The following SLC25A21 variants were observed in gnomAD, a reference collection of about 807,000 sequenced individuals.
SLC25A21 encodes the protein solute carrier family 25 member 21.
Under a neutral mutation model 43.8 loss-of-function variants are expected in SLC25A21, and 47 were observed. The observed-to-expected ratio is 1.07, with a 90% CI of 0.85 to 1.37. The LOEUF is 1.37. SLC25A21 is among the 40% of genes most tolerant of loss of function. The probability of loss-of-function intolerance (pLI) is 0.00; values close to 1 mark genes in which losing one functional copy is unlikely to be tolerated. For missense variants in SLC25A21, 352 were observed against 350.2 expected (o/e 1.00, Z -0.04); for synonymous variants, 131 against 121.3 (o/e 1.08, Z -0.52).
chr14:37,088,456 A>G (rs1360225518), intron 1 of SLC25A21, among the ~76,000 whole-genome samples: 2 of 152,238 alleles, frequency 1.3e-5, no homozygotes, highest in African/African-American at 4.8e-5. Context: ...TTTATTATGA[A>G]TATTTGTTCT....
intron 3 of SLC25A21, among the ~76,000 whole-genome samples, chr14:36,779,123 C>T (rs1886939670): frequency 6.7e-6 from 1 of 150,148 alleles, no homozygotes; most frequent in Non-Finnish European, 1.5e-5. Flanking sequence ...CTAGGTTCAT[C>T]TATGTTGTTG....
At chr14:36,832,681 CAAAA>C (rs1395334462) in intron 2 of SLC25A21, among the ~76,000 whole-genome samples, 2 of 152,166 alleles carry the variant, frequency 1.3e-5, no homozygotes, top group African/African-American at 4.8e-5. Context: ...CTTGGGTACT[CAAAA>C]GAATCTACTT....
intron 1 of SLC25A21, among the ~76,000 whole-genome samples, chr14:36,891,895 T>C (rs1476480368): frequency 1.3e-5 from 2 of 152,180 alleles, no homozygotes; most frequent in Non-Finnish European, 2.9e-5. Context: ...CTGTGTCACA[T>C]AGCGACCATG....
At chr14:36,897,359 G>A (rs1346617439) in intron 1 of SLC25A21, among the ~76,000 whole-genome samples, 10 of 152,112 alleles carry the variant, frequency 6.6e-5, no homozygotes, top group Admixed American at 6.6e-4. Flanking sequence ...CATTCGTCAT[G>A]TTCTTGTGCC....
intron 4 of SLC25A21, among the ~76,000 whole-genome samples, chr14:36,729,887 AG>A (rs769511233): frequency 6.6e-6 from 1 of 152,208 alleles, no homozygotes; most frequent in Non-Finnish European, 1.5e-5. Flanking sequence ...TCAACATTAT[AG>A]GCCTAGAGAC....
At chr14:36,771,819 T>G (rs1886630789) in intron 3 of SLC25A21, among the ~76,000 whole-genome samples, 1 of 151,982 alleles carries the variant, frequency 6.6e-6, no homozygotes, top group African/African-American at 2.4e-5. Context: ...AAAATATTAA[T>G]AAGGAATAGC....
Position 37,150,192 on chromosome 14 carries a change from A to C in SLC25A21, c.70+22089T>G, listed in dbSNP as rs1955763. 0.016 allele frequency among the ~76,000 whole-genome samples: 2,475 copies of C among 152,244 alleles called. 182 individuals are homozygous for C. The East Asian group carries it at 0.26, about 16-fold the overall frequency. ...TAGCTCCTGTTTAGAGATGTTTATA[A>C]TTTATTATGACTATAATACATACCC... On this transcript the variant is annotated intron_variant, in intron 1 of 9. Coordinates refer to ENST00000331299, the MANE Select transcript of SLC25A21 (RefSeq NM_030631.4).
At chr14:37,114,478 G>C (rs1429278076) in intron 1 of SLC25A21, among the ~76,000 whole-genome samples, 3 of 152,148 alleles carry the variant, frequency 2.0e-5, no homozygotes, top group African/African-American at 7.2e-5. Flanking sequence ...CACTTTACTA[G>C]ACTCAATCAT....
chr14:37,140,273 C>CA (rs1963549161), intron 1 of SLC25A21, among the ~76,000 whole-genome samples: 2 of 152,302 alleles, frequency 1.3e-5, no homozygotes, highest in Admixed American at 6.5e-5. Context: ...AAAATGTATT[C>CA]ACAGGTCTCT....
intron 1 of SLC25A21, among the ~76,000 whole-genome samples, chr14:37,013,868 C>G (rs2138742905): frequency 6.6e-6 from 1 of 152,250 alleles, no homozygotes; most frequent in East Asian, 1.9e-4. Context: ...AAGCAAGTCA[C>G]ATGAATTTTT....
At chr14:37,160,428 A>G (rs1963919391) in intron 1 of SLC25A21, among the ~76,000 whole-genome samples, 2 of 152,234 alleles carry the variant, frequency 1.3e-5, no homozygotes, top group Non-Finnish European at 2.9e-5. Context: ...AACATGGATG[A>G]AACTGGAGGT....
intron 1 of SLC25A21, among the ~76,000 whole-genome samples, chr14:36,940,785 G>A (rs766361700): frequency 2.6e-5 from 4 of 152,036 alleles, no homozygotes; most frequent in Non-Finnish European, 4.4e-5. Flanking sequence ...ACCATATTAC[G>A]ATTGTCTGAT....
chr14:36,881,353 G>A (rs1235239988), intron 1 of SLC25A21, among the ~76,000 whole-genome samples: 1 of 152,026 alleles, frequency 6.6e-6, no homozygotes, highest in Non-Finnish European at 1.5e-5. Flanking sequence ...GTAAATGTGT[G>A]TGTGTGTGTG....
intron 1 of SLC25A21, among the ~76,000 whole-genome samples, chr14:36,935,471 G>C (rs1200853279): frequency 2.6e-5 from 4 of 152,040 alleles, no homozygotes; most frequent in African/African-American, 9.7e-5. Flanking sequence ...TTTAGCAATG[G>C]GGACTCAATT....
rs1233360789 is a variant in SLC25A21, at chr14:36,764,143, G to GGAAAGAAAGAAA, written c.204-29582_204-29571dup. 4.5e-3 allele frequency among the ~76,000 whole-genome samples: 153 copies of GGAAAGAAAGAAA among 33,846 alleles called. 4 individuals carry two copies. The highest frequency in any genetic ancestry group is 0.013 in the African/African-American group (123 of 9,222). The allele number at this position is 33,846 out of a possible 152,430, so 22.2% of individuals were successfully genotyped here. ...AGGAAAGAAGGAAAGAAGGAAAGAA[G>GGAAAGAAAGAAA]GAAAGAAAGAAAGAAAGAAAGAAAG... On this transcript the variant is annotated intron_variant, in intron 3 of 9. Transcript: ENST00000331299.
At chr14:37,157,644 G>T (rs992336403) in intron 1 of SLC25A21, among the ~76,000 whole-genome samples, 1 of 152,052 alleles carries the variant, frequency 6.6e-6, no homozygotes. Flanking sequence ...ATAGCAGAAA[G>T]ACTACAAGTT....
intron 1 of SLC25A21, among the ~76,000 whole-genome samples, chr14:36,955,035 T>C (rs1959299134): frequency 6.6e-6 from 1 of 152,186 alleles, no homozygotes; most frequent in Non-Finnish European, 1.5e-5. Context: ...TTTTGCATGT[T>C]TTTTCTCCAC....
intron 1 of SLC25A21, among the ~76,000 whole-genome samples, chr14:36,896,896 G>T (rs1891255724): frequency 6.6e-6 from 1 of 152,152 alleles, no homozygotes; most frequent in Non-Finnish European, 1.5e-5. Flanking sequence ...TAGAGTTTCT[G>T]CCAAGAGATC....
At chr14:36,923,744 T>C (rs1892045392) in intron 1 of SLC25A21, among the ~76,000 whole-genome samples, 1 of 152,074 alleles carries the variant, frequency 6.6e-6, no homozygotes, top group South Asian at 2.1e-4. Flanking sequence ...CAAAAATATT[T>C]TTTAAAAATA....
Sources: allele counts gnomAD v4.1 joint callset (sites outside exome capture counted in the v4.1 genomes callset), GRCh38; gene constraint gnomAD v4.1.1; transcripts MANE v1.5; gene names NCBI Gene and HGNC (gene_info 2026-07-23, HGNC 2026-07-21).